Variants in FAF1 observed in about 807,000 individuals in gnomAD.
FAF1 encodes the protein FAS-associated factor 1.
In FAF1, 25 loss-of-function variants were observed where a neutral mutation model predicts 92.5. The observed-to-expected ratio is 0.27, with a 90% CI of 0.20 to 0.38. The LOEUF is 0.38. Among genes scored for constraint, FAF1 ranks in the 10% least tolerant of loss-of-function variants. FAF1 has a pLI of 1.00. For missense variants in FAF1, 636 were observed against 793.3 expected (o/e 0.80, Z 2.38); for synonymous variants, 234 against 273.2 (o/e 0.86, Z 1.42).
At chr1:50,540,263 C>T (rs1572819178) in intron 13 of FAF1, among the ~76,000 whole-genome samples, 1 of 152,126 alleles carries the variant, frequency 6.6e-6, no homozygotes, top group African/African-American at 2.4e-5. Flanking sequence ...TGAGCCACTG[C>T]ACCCGGCAGG....
intron 7 of FAF1, among the ~76,000 whole-genome samples, chr1:50,672,107 G>A (rs187768832): frequency 8.6e-5 from 13 of 151,224 alleles, no homozygotes; most frequent in South Asian, 4.2e-4. Flanking sequence ...GTACAGTGGC[G>A]CGATCTCAGC....
intron 18 of FAF1, among the ~76,000 whole-genome samples, chr1:50,466,443 T>A (rs992389606): frequency 6.6e-6 from 1 of 152,184 alleles, no homozygotes; most frequent in East Asian, 1.9e-4. Context: ...TCGTTGTATG[T>A]AGAAATGTTT....
At chr1:50,561,143 A>G (rs911906149) in intron 13 of FAF1, among the ~76,000 whole-genome samples, 6 of 152,286 alleles carry the variant, frequency 3.9e-5, no homozygotes, top group East Asian at 1.9e-4. Flanking sequence ...TGGGAGGCCA[A>G]TTACTTCTGG....
At chr1:50,668,294 G>A (rs1331853279) in intron 7 of FAF1, among the ~76,000 whole-genome samples, 2 of 152,152 alleles carry the variant, frequency 1.3e-5, no homozygotes, top group African/African-American at 4.8e-5. Context: ...CATAACTAAC[G>A]CACCAAAGAC....
At chr1:50,713,584 GTTTTC>G (rs1658042239) in intron 6 of FAF1, among the ~76,000 whole-genome samples, 1 of 151,294 alleles carries the variant, frequency 6.6e-6, no homozygotes, top group Non-Finnish European at 1.5e-5. Flanking sequence ...AAAAAACTAC[GTTTTC>G]TTTTCAATTA....
chr1:50,632,101 A>G (rs1653816231), intron 8 of FAF1, among the ~76,000 whole-genome samples: 1 of 152,202 alleles, frequency 6.6e-6, no homozygotes, highest in Non-Finnish European at 1.5e-5. Flanking sequence ...GGACTACTGT[A>G]TATCAAAGCA....
chr1:50,537,945 G>A (rs976133227), intron 14 of FAF1, among the ~76,000 whole-genome samples: 4 of 152,052 alleles, frequency 2.6e-5, no homozygotes, highest in African/African-American at 4.8e-5. Context: ...ATTTGAAACC[G>A]TATCAATGAA....
intron 8 of FAF1, among the ~76,000 whole-genome samples, chr1:50,624,255 C>T (rs1025742808): frequency 4.6e-5 from 7 of 152,110 alleles, no homozygotes; most frequent in African/African-American, 1.7e-4. Flanking sequence ...TCAAGCGATT[C>T]TCCTGCCTCA....
chr1:50,480,020 GT>G (rs1462929975), intron 17 of FAF1, among the ~76,000 whole-genome samples: 1 of 152,156 alleles, frequency 6.6e-6, no homozygotes, highest in Non-Finnish European at 1.5e-5. Context: ...ACTCAAACGA[GT>G]CATGGTTAAC....
intron 1 of FAF1, among the ~76,000 whole-genome samples, chr1:50,902,145 T>A (rs1188130504): frequency 2.0e-5 from 3 of 152,198 alleles, no homozygotes; most frequent in Admixed American, 1.3e-4. Context: ...ATCAGTTGAT[T>A]ACTGTAAACA....
chr1:50,567,938 T>C (rs1650246132), intron 12 of FAF1, among the ~76,000 whole-genome samples: 1 of 152,090 alleles, frequency 6.6e-6, no homozygotes, highest in African/African-American at 2.4e-5. Flanking sequence ...TAAAAGTTGC[T>C]TTCAATAAAT....
Position 50,856,728 on chromosome 1 carries a change from T to A in FAF1, c.114+1201A>T, listed in dbSNP as rs539121698. ...TCAATTTCTTCTGAAAAAAATAGGT[T>A]AAATATGTAACATGTATATGCAGGA... On this transcript the variant is annotated intron_variant, in intron 2 of 18. Transcript: ENST00000396153. Among the ~76,000 whole-genome samples the A allele has an allele frequency of 1.9e-4, 29 of 151,908 alleles. No homozygotes were observed. The East Asian group carries it at 4.4e-3, about 23-fold the overall frequency.
chr1:50,878,272 G>T (rs545501328), intron 1 of FAF1, among the ~76,000 whole-genome samples: 32 of 152,294 alleles, frequency 2.1e-4, no homozygotes, highest in Non-Finnish European at 2.5e-4. Flanking sequence ...CATGAAAGTT[G>T]TTTTTGATGA....
At chr1:50,787,467 T>G (rs1022864541) in intron 4 of FAF1, among the ~76,000 whole-genome samples, 1 of 152,168 alleles carries the variant, frequency 6.6e-6, no homozygotes, top group Non-Finnish European at 1.5e-5. Context: ...GACACAATGT[T>G]CCCCACTTAG....
At chr1:50,523,788 C>T (rs1412770399) in intron 15 of FAF1, among the ~76,000 whole-genome samples, 1 of 152,016 alleles carries the variant, frequency 6.6e-6, no homozygotes, top group Non-Finnish European at 1.5e-5. Context: ...TATCTAGTCT[C>T]CCATTGATGG....
chr1:50,729,058 A>ATATATATATATATTT (rs1375923156), intron 6 of FAF1, among the ~76,000 whole-genome samples: 1 of 70,132 alleles, frequency 1.4e-5, no homozygotes, highest in South Asian at 5.5e-4. Flanking sequence ...ATATATATAT[A>ATATATATATATATTT]TTTTTTTTTT....
chr1:50,634,702 G>A (rs919641472), intron 8 of FAF1, among the ~76,000 whole-genome samples: 1 of 152,162 alleles, frequency 6.6e-6, no homozygotes, highest in African/African-American at 2.4e-5. Context: ...GTTATTAAAT[G>A]CAATTTAGAG....
At chr1:50,594,950 G>A (rs1378707457) in intron 9 of FAF1, among the ~76,000 whole-genome samples, 1 of 151,106 alleles carries the variant, frequency 6.6e-6, no homozygotes, top group African/African-American at 2.4e-5. Context: ...ACAAACAAAC[G>A]TGTTCAATCT....
At chr1:50,843,318 A>C (rs1164642988) in intron 2 of FAF1, among the ~76,000 whole-genome samples, 3 of 152,196 alleles carry the variant, frequency 2.0e-5, no homozygotes, top group Non-Finnish European at 2.9e-5. Flanking sequence ...ATTTTGATAC[A>C]AGCATACAAT....
Sources: allele counts gnomAD v4.1 joint callset (sites outside exome capture counted in the v4.1 genomes callset), GRCh38; gene constraint gnomAD v4.1.1; transcripts MANE v1.5; gene names NCBI Gene and HGNC (gene_info 2026-07-23, HGNC 2026-07-21).